YEATS2: variants seen among roughly 807,000 people sequenced by gnomAD.
The protein encoded by YEATS2 is YEATS domain containing 2.
In YEATS2, 77 loss-of-function variants were observed where a neutral mutation model predicts 163.2. That is an observed-to-expected ratio of 0.47 (90% CI 0.39 to 0.57). The LOEUF (loss-of-function observed/expected upper bound fraction) is 0.57. Ranked by LOEUF, YEATS2 falls within the 20% of genes least tolerant of loss-of-function variation. YEATS2 has a pLI of 0.00. For missense variants in YEATS2, 1,549 were observed against 1,729.8 expected, an observed-to-expected ratio of 0.90 and a Z score of 1.85; for synonymous variants, 631 against 645.1, an observed-to-expected ratio of 0.98 and a Z score of 0.33.
chr3:183,747,544 T>C (rs1329766233), intron 8 of YEATS2, 128 bp from the exon 9 acceptor site: 14 of 524,678 alleles, frequency 2.7e-5, no homozygotes, highest in South Asian at 9.7e-5. Flanking sequence ...ATTTATATTT[T>C]ACATTATGAA....
chr3:183,747,511 T>C (rs746328936), intron 8 of YEATS2, among the ~76,000 whole-genome samples, 161 bp from the exon 9 acceptor site: 2 of 152,180 alleles, frequency 1.3e-5, no homozygotes, highest in African/African-American at 2.4e-5. Context: ...TTGATTTTAC[T>C]CAATTTTTTA....
chr3:183,749,446 GC>G (rs533653744), intron 9 of YEATS2, among the ~76,000 whole-genome samples: 2 of 151,474 alleles, frequency 1.3e-5, no homozygotes, highest in Non-Finnish European at 2.9e-5. Context: ...CACTCCTCCC[GC>G]CCCCCCAGCA....
At chr3:183,710,977 A>G (rs1325454398) in intron 1 of YEATS2, among the ~76,000 whole-genome samples, 3 of 152,174 alleles carry the variant, frequency 2.0e-5, no homozygotes, top group Admixed American at 6.6e-5. Flanking sequence ...CTGCTGGGCT[A>G]TATCCACCTC....
rs777788259 is a variant in YEATS2 at position 183,773,811 on chromosome 3, G to A, written c.2368+17G>A. The A allele has an allele frequency of 1.9e-6, 3 of 1,591,474 alleles. No homozygotes were observed. The African/African-American group carries it at 4.1e-5, about 22-fold the overall frequency. Reference sequence around the variant, plus strand: ...ACAATGCTAGTTAGTGAAACCATTGGGTTGAATCATTTGGTTCTTGGTTCT... The same window carrying A: ...ACAATGCTAGTTAGTGAAACCATTGAGTTGAATCATTTGGTTCTTGGTTCT... On this transcript the variant is annotated intron_variant, in intron 17 of 30. Transcript: ENST00000305135.
At chr3:183,771,175 T>A (rs1244008743) in intron 15 of YEATS2, among the ~76,000 whole-genome samples, 1 of 152,224 alleles carries the variant, frequency 6.6e-6, no homozygotes, top group Non-Finnish European at 1.5e-5. Context: ...CCCCACAGCC[T>A]CTAGTAACTT....
At chr3:183,788,077 A>G (rs1724237959) in intron 20 of YEATS2, among the ~76,000 whole-genome samples, 1 of 152,218 alleles carries the variant, frequency 6.6e-6, no homozygotes, top group Non-Finnish European at 1.5e-5. Context: ...TGATGTTTTG[A>G]TGCAGGCATA....
intron 15 of YEATS2, among the ~76,000 whole-genome samples, chr3:183,763,543 G>C (rs933980097): frequency 1.3e-5 from 2 of 152,166 alleles, no homozygotes; most frequent in Admixed American, 6.5e-5. Flanking sequence ...GGAGGGTGGG[G>C]ATTTTCATCC....
chr3:183,770,182 A>G (rs2109410080), intron 15 of YEATS2, among the ~76,000 whole-genome samples: 2 of 151,464 alleles, frequency 1.3e-5, no homozygotes, highest in South Asian at 4.2e-4. Flanking sequence ...AGGTCAGGAG[A>G]TCAAGACCGT....
At chr3:183,741,215 A>G (rs1026675164) in intron 8 of YEATS2, among the ~76,000 whole-genome samples, 2 of 152,142 alleles carry the variant, frequency 1.3e-5, no homozygotes, top group African/African-American at 4.8e-5. Context: ...CTGGAATTAC[A>G]GGCATGAGCC....
intron 15 of YEATS2, among the ~76,000 whole-genome samples, chr3:183,768,150 C>T (rs1290294221): frequency 2.0e-5 from 3 of 152,212 alleles, no homozygotes; most frequent in Non-Finnish European, 1.5e-5. Context: ...ATTTCTCATA[C>T]AGTCATCGAG....
At chr3:183,733,531 T>C (rs1183021708) in intron 7 of YEATS2, among the ~76,000 whole-genome samples, 1 of 152,248 alleles carries the variant, frequency 6.6e-6, no homozygotes, top group Non-Finnish European at 1.5e-5. Flanking sequence ...TGAGGACTAT[T>C]AACGTATGTC....
intron 27 of YEATS2, chr3:183,806,103 G>A (rs1726169325): frequency 5.6e-6 from 2 of 356,098 alleles, no homozygotes; most frequent in East Asian, 1.5e-4. Flanking sequence ...TCTGAAAGCT[G>A]TAGGCATCAG....
In YEATS2 at chr3:183,804,044, A is replaced by G; in HGVS notation, c.3640A>G (p.Arg1214Gly). ...ACAAGAAATCCTGGAGAAGAATCCG[A>G]GATTTCACCACCTGACTCCCCTCAA... is the stretch of plus-strand genomic sequence containing the variant. ...VLQEILEKNPRFHHLTPLKTK... is the reference protein window; with the variant it reads ...VLQEILEKNPGFHHLTPLKTK... Residue 1214 changes from arginine (R) to glycine (G), a missense_variant, in exon 27 of 31, where the codon AGA becomes GGA. Coordinates refer to ENST00000305135, the MANE Select transcript of YEATS2 (RefSeq NM_018023.5). 6.2e-7 allele frequency: 1 copy of G among 1,614,174 alleles called. No individual in the cohort carries two copies. Among genetic ancestry groups the G allele is most frequent in the Non-Finnish European group, 8.5e-7 (1 of 1,180,030 alleles).
chr3:183,810,450 T>G, intron 30 of YEATS2, 25 bp from the exon 31 acceptor site: 2 of 1,590,968 alleles, frequency 1.3e-6, no homozygotes, highest in Non-Finnish European at 1.7e-6. Context: ...TTTCACCTGG[T>G]AACACCCTTT....
intron 29 of YEATS2, 192 bp downstream of exon 29, chr3:183,808,296 C>T (rs965568491): frequency 3.5e-6 from 2 of 574,440 alleles, no homozygotes; most frequent in African/African-American, 3.8e-5. Context: ...GTTATGTTTC[C>T]TCTGAGTCAT....
chr3:183,712,778 T>TTTC (rs1553856581), intron 1 of YEATS2, among the ~76,000 whole-genome samples: 1 of 134,772 alleles, frequency 7.4e-6, no homozygotes, highest in Non-Finnish European at 1.5e-5. Flanking sequence ...TTTTTTTTTT[T>TTTC]CGAGAGAGTT....
chr3:183,763,125 T>C (rs561438653), intron 15 of YEATS2, among the ~76,000 whole-genome samples: 7 of 152,204 alleles, frequency 4.6e-5, no homozygotes, highest in Admixed American at 3.9e-4. Flanking sequence ...ATTGGAAATG[T>C]AGCCATGCAT....
At chr3:183,755,568 CAG>C (rs1473443819) in intron 11 of YEATS2, among the ~76,000 whole-genome samples, 1 of 152,080 alleles carries the variant, frequency 6.6e-6, no homozygotes, top group Non-Finnish European at 1.5e-5. Context: ...GTTTAACTGT[CAG>C]TAACTTTTGA....
chr3:183,761,647 C>A, intron 14 of YEATS2, 33 bp downstream of exon 14: 2 of 1,592,092 alleles, frequency 1.3e-6, no homozygotes, highest in South Asian at 2.2e-5. Flanking sequence ...TCCCACAAGT[C>A]ATAATACTTT....
Sources: gnomAD v4.1 joint callset for allele counts (sites outside exome capture counted in the v4.1 genomes callset) on GRCh38, gnomAD v4.1.1 for gene constraint, MANE v1.5 for transcripts, NCBI Gene and HGNC (gene_info 2026-07-23, HGNC 2026-07-21) for gene names.